Variants in KTN1 observed in about 807,000 individuals in gnomAD.
KTN1 encodes the protein kinectin.
Under a neutral mutation model 222.5 loss-of-function variants are expected in KTN1, and 130 were observed. The observed-to-expected ratio is 0.58, with a 90% CI of 0.51 to 0.68. The LOEUF is 0.68. KTN1 is among the 30% of genes least tolerant of loss of function. The probability of loss-of-function intolerance (pLI) is 0.00; values close to 1 mark genes in which losing one functional copy is unlikely to be tolerated. For synonymous variants in KTN1, 512 were observed against 496.3 expected (o/e 1.03, Z -0.42); for missense variants, 1,508 against 1,500.4 (o/e 1.01, Z -0.08).
At chr14:55,592,784 T>C (rs2034365835) in intron 1 of KTN1, among the ~76,000 whole-genome samples, 1 of 152,212 alleles carries the variant, frequency 6.6e-6, no homozygotes, top group African/African-American at 2.4e-5. Flanking sequence ...ATCTTTGTGC[T>C]TGGTATTTTG....
intron 33 of KTN1, among the ~76,000 whole-genome samples, chr14:55,666,348 C>T (rs1566834021): frequency 6.6e-6 from 1 of 151,884 alleles, no homozygotes; most frequent in South Asian, 2.1e-4. Context: ...TTCTTGTCAC[C>T]TGTTGAACTT....
At chr14:55,612,604 T>G (rs1296761001) in intron 2 of KTN1, 33 bp downstream of exon 2, 2 of 1,511,268 alleles carry the variant, frequency 1.3e-6, no homozygotes, top group Non-Finnish European at 1.8e-6. Context: ...TTTAATTTTA[T>G]TGTATGATTT....
At chr14:55,616,729 A>C in intron 3 of KTN1, 75 bp downstream of exon 3, 3,789 of 1,162,010 alleles carry the variant, frequency 3.3e-3, no homozygotes, top group Non-Finnish European at 4.2e-3. Context: ...CTGGAATCTC[A>C]CACGCTCTTT....
chr14:55,629,678 G>T (rs560683053), intron 6 of KTN1, among the ~76,000 whole-genome samples: 17 of 152,152 alleles, frequency 1.1e-4, no homozygotes, highest in East Asian at 1.9e-4. Context: ...TTTATTCTAG[G>T]TTCATAGTCT....
At chr14:55,583,910 G>A (rs1175250438) in intron 1 of KTN1, among the ~76,000 whole-genome samples, 1 of 152,060 alleles carries the variant, frequency 6.6e-6, no homozygotes, top group Admixed American at 6.6e-5. Flanking sequence ...TTCACACTTG[G>A]CATTCTGTGC....
At chr14:55,654,969 G>A (rs768361204) in intron 28 of KTN1, among the ~76,000 whole-genome samples, 65 of 151,980 alleles carry the variant, frequency 4.3e-4, no homozygotes, top group Non-Finnish European at 3.4e-4. Flanking sequence ...TGGCTTTTCT[G>A]GTTTGGCTCT....
At chr14:55,673,320 A>G in intron 40 of KTN1, 65 bp downstream of exon 40, 1 of 1,030,964 alleles carries the variant, frequency 9.7e-7, no homozygotes, top group South Asian at 1.5e-5. Flanking sequence ...ACATGTGGAG[A>G]AACCATCCAG....
At chr14:55,587,601 C>G (rs545556165) in intron 1 of KTN1, among the ~76,000 whole-genome samples, 1 of 152,316 alleles carries the variant, frequency 6.6e-6, no homozygotes, top group African/African-American at 2.4e-5. Context: ...TGCCACCAAC[C>G]TGTACTTGCC....
At chr14:55,589,893 G>A (rs1365544966) in intron 1 of KTN1, among the ~76,000 whole-genome samples, 1 of 151,916 alleles carries the variant, frequency 6.6e-6, no homozygotes, top group Admixed American at 6.6e-5. Flanking sequence ...TCTTGACCTT[G>A]TGATCTGCCC....
At chr14:55,633,725 C>T (rs994959365) in intron 8 of KTN1, among the ~76,000 whole-genome samples, 1 of 152,098 alleles carries the variant, frequency 6.6e-6, no homozygotes, top group Non-Finnish European at 1.5e-5. Flanking sequence ...CACAGTAGCT[C>T]CCAAACTTCA....
intron 1 of KTN1, among the ~76,000 whole-genome samples, chr14:55,605,885 A>G (rs900981024): frequency 1.3e-5 from 2 of 152,200 alleles, no homozygotes; most frequent in Non-Finnish European, 2.9e-5. Context: ...TTGGCTACCA[A>G]TAGTAAACTT....
chr14:55,648,305 A>T (rs1044724347), intron 20 of KTN1, among the ~76,000 whole-genome samples, 190 bp downstream of exon 20: 1 of 152,202 alleles, frequency 6.6e-6, no homozygotes, highest in South Asian at 2.1e-4. Context: ...GACTGCCTTA[A>T]TGAGGTAGAT....
chr14:55,628,048 C>T lies in KTN1; in HGVS notation c.1080+20C>T, dbSNP rs10134010. On this transcript the variant is annotated intron_variant, in intron 6 of 43. Coordinates refer to ENST00000395314, the MANE Select transcript of KTN1 (RefSeq NM_001079521.2). The stretch of plus-strand genomic sequence containing the variant: ...ACCCAGGTGAAGACATTCTTATGTA[C>T]GAGGGATATACTTCCCAAATCAGAA... 1.1e-3 allele frequency: 1,565 copies of T among 1,406,616 alleles called. 17 individuals are homozygous for T. In the African/African-American group the frequency reaches 0.02, roughly 18 times the overall value. The allele number at this position is 1,406,616 out of a possible 1,614,324, so 87.1% of individuals were successfully genotyped here.
chr14:55,670,023 T>G lies in KTN1; in HGVS notation c.3268-706T>G, dbSNP rs2045306166. On this transcript the variant is annotated intron_variant, in intron 34 of 43. Transcript: ENST00000395314. ...TCAAAGTGTAAAATTCAGATAAGCA[T>G]CAATAATTTAGAGTAATTTATTCTA... Among the ~76,000 whole-genome samples the G allele has an allele frequency of 2.0e-5, 3 of 151,978 alleles. 1 individual carries two copies. Among genetic ancestry groups the G allele is most frequent in the Non-Finnish European group, 4.4e-5 (3 of 67,890 alleles).
In KTN1 at chr14:55,664,044, T is replaced by C; in HGVS notation, c.3177+3T>C. On this transcript the variant is annotated splice_donor_region_variant and intron_variant, in intron 33 of 43. Coordinates refer to ENST00000395314, the MANE Select transcript of KTN1 (RefSeq NM_001079521.2). The stretch of plus-strand genomic sequence containing the variant: ...ACAAAGTGAACAAGACTTCCAAGGT[T>C]GTAATGCTAACTCCTAGAAACAATC... The C allele has an allele frequency of 6.3e-7, 1 of 1,599,902 alleles. No individual in the cohort carries two copies. Among genetic ancestry groups the C allele is most frequent in the Non-Finnish European group, 8.6e-7 (1 of 1,168,350 alleles).
intron 43 of KTN1, chr14:55,682,029 A>G (rs2046416669): frequency 6.6e-6 from 1 of 152,184 alleles, no homozygotes. Context: ...ATGTCAAGAA[A>G]CCTTTAAAAA....
intron 4 of KTN1, 140 bp from the exon 5 acceptor site, chr14:55,619,042 A>G: frequency 1.6e-6 from 1 of 624,492 alleles, no homozygotes. Flanking sequence ...TATTTGTTTT[A>G]TTTAACCTGA....
At chr14:55,657,355 A>G (rs2043590328) in intron 29 of KTN1, among the ~76,000 whole-genome samples, 1 of 146,880 alleles carries the variant, frequency 6.8e-6, no homozygotes, top group Non-Finnish European at 1.5e-5. Context: ...TTTTATATGA[A>G]TTGTCCTTTA....
At chr14:55,664,817 T>C (rs183100436) in intron 33 of KTN1, among the ~76,000 whole-genome samples, 99 of 152,218 alleles carry the variant, frequency 6.5e-4, no homozygotes, top group African/African-American at 2.2e-3. Flanking sequence ...AAAATTCCTG[T>C]CAAGTGTAAA....
Sources: gnomAD v4.1 joint callset for allele counts (sites outside exome capture counted in the v4.1 genomes callset) on GRCh38, gnomAD v4.1.1 for gene constraint, MANE v1.5 for transcripts, NCBI Gene and HGNC (gene_info 2026-07-23, HGNC 2026-07-21) for gene names.